Variants in EPSTI1 observed in about 807,000 individuals in gnomAD.
EPSTI1 encodes epithelial-stromal interaction protein 1.
EPSTI1 carries 66 observed loss-of-function variants against 49.9 expected under a neutral mutation model. The ratio of observed to expected loss-of-function variants is 1.32; its 90% CI spans 1.08 to 1.62. The LOEUF is 1.62. Ranked by LOEUF, EPSTI1 falls within the 40% of genes most tolerant of loss-of-function variation. The pLI, the probability that EPSTI1 is intolerant of heterozygous loss-of-function variation, is 0.00. For synonymous variants in EPSTI1, 137 were observed against 130.7 expected, an observed-to-expected ratio of 1.05 and a Z score of -0.33; for missense variants, 394 against 365.5, an observed-to-expected ratio of 1.08 and a Z score of -0.64.
chr13:42,974,211 C>T (rs2039828448), intron 1 of EPSTI1, among the ~76,000 whole-genome samples: 1 of 152,020 alleles, frequency 6.6e-6, no homozygotes, highest in Non-Finnish European at 1.5e-5. Context: ...TAGCACACGC[C>T]TGTAATCCCA....
intron 1 of EPSTI1, among the ~76,000 whole-genome samples, chr13:42,987,270 A>G (rs967050572): frequency 4.6e-5 from 7 of 151,606 alleles, no homozygotes; most frequent in Admixed American, 2.0e-4. Flanking sequence ...AACTCTGAGT[A>G]GTTAGTGTTA....
chr13:42,895,031 T>C lies in EPSTI1; in HGVS notation c.893A>G (p.Asn298Ser), dbSNP rs1437544769. 6 of 1,612,796 alleles carry C rather than the reference T, an allele frequency of 3.7e-6. No individual in the cohort carries two copies. Among genetic ancestry groups the C allele is most frequent in the Admixed American group, 3.3e-5 (2 of 59,850 alleles). Residue 298 changes from asparagine to serine, a missense_variant, in exon 10 of 11, where the codon AAT becomes AGT. By Grantham distance (46) the Asn-to-Ser change is conservative. Transcript: ENST00000313624. ...CACCCAGCTGTTACCGCTATTCATA[T>C]TCCAACAGCCTCCAGATTGCTCGAG... ...GGLEQSGGCW[N>S]MNSGNSWGI
In EPSTI1 at chr13:42,887,676, C is replaced by A. The variant is rs1162972336; in HGVS notation, c.*818G>T. 6.6e-6 allele frequency: 1 copy of A among 152,194 alleles called. No individual in the cohort carries two copies. 9.4% of individuals were successfully genotyped at this position (152,194 alleles called of 1,614,324 possible). ...TCACAGAAGTGAATAAGAAAGCCAA[C>A]TGAACTAGCAATAGGAAATAGGTTA... On this transcript the variant is annotated 3_prime_UTR_variant, in exon 11 of 11. Coordinates refer to ENST00000313624, the MANE Select transcript of EPSTI1 (RefSeq NM_033255.5).
chr13:42,886,890 A>G lies in EPSTI1; in HGVS notation c.*1604T>C, dbSNP rs574965071. On this transcript the variant is annotated 3_prime_UTR_variant, in exon 11 of 11. Transcript: ENST00000313624. ...GACACCAACTTCCCTGAGAGCTTCC[A>G]AAGTAAGAAAGCATCCCTTTTTCCT... 1 of 152,322 alleles carries G rather than the reference A, an allele frequency of 6.6e-6. No homozygotes were observed. The highest frequency in any genetic ancestry group is 2.1e-4 in the South Asian group (1 of 4,826). The allele number at this position is 152,322 out of a possible 1,614,324, so 9.4% of individuals were successfully genotyped here. A position where few individuals can be genotyped will look rare whatever the true frequency, so the allele number is the denominator to read the frequency against.
At chr13:42,946,728 A>G (rs2038929674) in intron 6 of EPSTI1, among the ~76,000 whole-genome samples, 1 of 152,172 alleles carries the variant, frequency 6.6e-6, no homozygotes, top group Non-Finnish European at 1.5e-5. Context: ...GTGTTTCTAC[A>G]GTGCTCACCA....
intron 6 of EPSTI1, among the ~76,000 whole-genome samples, chr13:42,945,919 T>C (rs2038903992): frequency 6.6e-6 from 1 of 152,190 alleles, no homozygotes; most frequent in Non-Finnish European, 1.5e-5. Flanking sequence ...CTGAACAAAA[T>C]AGATATGAGA....
At chr13:42,894,539 A>T (rs1461776942) in intron 10 of EPSTI1, among the ~76,000 whole-genome samples, 9 of 152,208 alleles carry the variant, frequency 5.9e-5, no homozygotes, top group Non-Finnish European at 8.8e-5. Context: ...TTCATTTTTT[A>T]AAAGTGCCTT....
At chr13:42,989,147 C>T (rs1331742835) in intron 1 of EPSTI1, among the ~76,000 whole-genome samples, 1 of 146,896 alleles carries the variant, frequency 6.8e-6, no homozygotes, top group African/African-American at 2.5e-5. Flanking sequence ...AGGCACAAGC[C>T]CCTGCGCCCG....
chr13:42,964,726 T>C (rs1354917019), intron 3 of EPSTI1, among the ~76,000 whole-genome samples: 2 of 152,230 alleles, frequency 1.3e-5, no homozygotes, highest in African/African-American at 4.8e-5. Flanking sequence ...TCTTTCCTTA[T>C]ATAGTCAAAA....
intron 8 of EPSTI1, among the ~76,000 whole-genome samples, chr13:42,902,889 G>A (rs1290306541): frequency 6.6e-6 from 1 of 152,040 alleles, no homozygotes; most frequent in Non-Finnish European, 1.5e-5. Context: ...CAAAATAAAT[G>A]GTTGGAATTA....
chr13:42,908,484 G>GAAAAAAAA (rs140923122), intron 8 of EPSTI1, among the ~76,000 whole-genome samples: 1 of 113,348 alleles, frequency 8.8e-6, no homozygotes. Flanking sequence ...ACTCTGTTAT[G>GAAAAAAAA]AAAAAAAAAA....
At chr13:42,932,523 G>A (rs889304676) in intron 6 of EPSTI1, among the ~76,000 whole-genome samples, 1 of 151,542 alleles carries the variant, frequency 6.6e-6, no homozygotes, top group Non-Finnish European at 1.5e-5. Flanking sequence ...GGGGGCAAAA[G>A]TCTCTCGATC....
intron 1 of EPSTI1, among the ~76,000 whole-genome samples, chr13:42,987,507 G>T (rs905007323): frequency 6.6e-6 from 1 of 152,082 alleles, no homozygotes; most frequent in Non-Finnish European, 1.5e-5. Context: ...AGCCCAGGTG[G>T]CTCAGGATGG....
chr13:42,904,191 C>T (rs1008737792), intron 8 of EPSTI1, among the ~76,000 whole-genome samples: 1 of 152,168 alleles, frequency 6.6e-6, no homozygotes, highest in Admixed American at 6.5e-5. Flanking sequence ...TTCAGTGGTT[C>T]AGTGACTATT....
intron 6 of EPSTI1, among the ~76,000 whole-genome samples, chr13:42,942,424 ATTATAC>A (rs908480577): frequency 2.6e-5 from 4 of 152,158 alleles, no homozygotes; most frequent in Non-Finnish European, 4.4e-5. Context: ...TATTTGTTGT[ATTATAC>A]TTATATGTTT....
Position 42,916,956 on chromosome 13 carries a change from C to T in EPSTI1, c.741+585G>A, listed in dbSNP as rs548623513. On this transcript the variant is annotated intron_variant, in intron 8 of 10. Transcript: ENST00000313624. ...CCACTGACTATTTTCAGTTACCATA[C>T]CAGAAATTTCACATTGTAATGAAGA... 3.9e-5 allele frequency among the ~76,000 whole-genome samples: 6 copies of T among 152,240 alleles called. No individual in the cohort carries two copies. The South Asian group carries it at 1.2e-3, about 32-fold the overall frequency.
At chr13:42,944,049 G>A (rs2038845660) in intron 6 of EPSTI1, among the ~76,000 whole-genome samples, 1 of 152,182 alleles carries the variant, frequency 6.6e-6, no homozygotes, top group Non-Finnish European at 1.5e-5. Flanking sequence ...GGAGAAATAG[G>A]AACACTTTTA....
Position 42,964,143 on chromosome 13 carries a change from A to T in EPSTI1, c.332-4T>A. The T allele has an allele frequency of 1.2e-6, 2 of 1,611,866 alleles. No individual in the cohort carries two copies. The highest frequency in any genetic ancestry group is 2.2e-5 in the South Asian group (2 of 90,788). On this transcript the variant is annotated splice_polypyrimidine_tract_variant and splice_region_variant and intron_variant, in intron 3 of 10. Coordinates refer to ENST00000313624, the MANE Select transcript of EPSTI1 (RefSeq NM_033255.5). ...TCAGTTTCTGACTGGCTTCCACCTT[A>T]GGAAAAAAAAATCCATGAAGGTGAA...
chr13:42,951,712 T>C (rs969506963), intron 6 of EPSTI1, among the ~76,000 whole-genome samples: 12 of 152,236 alleles, frequency 7.9e-5, no homozygotes, highest in African/African-American at 2.9e-4. Context: ...ACCCTTTACT[T>C]TGCCATATTT....
Sources: allele counts gnomAD v4.1 joint callset (sites outside exome capture counted in the v4.1 genomes callset), GRCh38; gene constraint gnomAD v4.1.1; transcripts MANE v1.5; gene names NCBI Gene and HGNC (gene_info 2026-07-23, HGNC 2026-07-21).